Variants in NOTCH3 observed in about 807,000 individuals in gnomAD.
NOTCH3 encodes the protein neurogenic locus notch homolog protein 3.
In NOTCH3, 86 loss-of-function variants were observed where a neutral mutation model predicts 213.3. The observed-to-expected ratio is 0.40, with a 90% CI of 0.34 to 0.48. The LOEUF (loss-of-function observed/expected upper bound fraction) is 0.48, where lower values mean the gene tolerates loss of function less well. Ranked by LOEUF, NOTCH3 falls within the 20% of genes least tolerant of loss-of-function variation. The pLI, the probability that NOTCH3 is intolerant of heterozygous loss-of-function variation, is 0.57. For missense variants in NOTCH3, 2,783 were observed against 3,272.6 expected (o/e 0.85, Z 3.65); for synonymous variants, 1,354 against 1,355.9 (o/e 1.00, Z 0.03).
intron 24 of NOTCH3, among the ~76,000 whole-genome samples, chr19:15,176,424 A>G (rs981502169): frequency 1.5e-5 from 2 of 134,026 alleles, no homozygotes; most frequent in African/African-American, 2.9e-5. Flanking sequence ...CTGCCTCCCA[A>G]AGTACTGGGA....
chr19:15,187,598 T>G (rs577461197), intron 10 of NOTCH3, among the ~76,000 whole-genome samples: 83 of 151,852 alleles, frequency 5.5e-4, no homozygotes, highest in African/African-American at 1.9e-3. Flanking sequence ...GCCCTGTTTC[T>G]GCCCCACCCT....
rs775270847 is a variant in NOTCH3 at position 15,179,404 on chromosome 19, G to A, written c.3420C>T (p.Leu1140=). ...PCQHGGSCID[L]VARYLCSCPP... ...GACAGGAGCAGAGATAGCGGGCCAC[G>A]AGGTCAATGCATGAACCCCCGTGCT... Residue 1140 remains leucine, a synonymous_variant, in exon 21 of 33, where the codon CTC becomes CTT. Transcript: ENST00000263388. 3 of 1,614,102 alleles carry A rather than the reference G, an allele frequency of 1.9e-6. No individual in the cohort carries two copies. Among genetic ancestry groups the A allele is most frequent in the South Asian group, 2.2e-5 (2 of 91,092 alleles).
intron 16 of NOTCH3, 81 bp downstream of exon 16, chr19:15,184,214 C>T: frequency 1.5e-6 from 2 of 1,361,664 alleles, no homozygotes; most frequent in African/African-American, 1.4e-5. Context: ...GATGAAATGA[C>T]AGCACAGTGC....
Position 15,161,241 on chromosome 19 carries a change from A to G in NOTCH3, c.6387T>C (p.Ala2129=). The change falls in exon 33 of 33, where the codon GCT becomes GCC. Residue 2129 remains alanine (A), a synonymous_variant. Coordinates refer to ENST00000263388, the MANE Select transcript of NOTCH3 (RefSeq NM_000435.3). ...CCAGAGACACTGCAGTGGCAGTGGC[A>G]GCTGCATAGGGCCCCTCAAGGGGGA... ...GGFPLEGPYA[A]ATATAVSLAQ... The G allele has an allele frequency of 6.5e-7, 1 of 1,549,670 alleles. No homozygotes were observed. Among genetic ancestry groups the G allele is most frequent in the East Asian group, 2.3e-5 (1 of 42,946 alleles).
chr19:15,181,259 C>T (rs1599383029), intron 17 of NOTCH3, 97 bp from the exon 18 acceptor site: 1 of 1,110,106 alleles, frequency 9.0e-7, no homozygotes, highest in East Asian at 2.6e-5. Flanking sequence ...GGACGTCCCA[C>T]TCCCTGACCC....
At position 15,185,745 on chromosome 19, in the gene NOTCH3, G is replaced by T; in HGVS notation, c.1952-66C>A. On this transcript the variant is annotated intron_variant, in intron 12 of 32. Coordinates refer to ENST00000263388, the MANE Select transcript of NOTCH3 (RefSeq NM_000435.3). This position sits in a 1 kb window ranked among gnomAD's most constrained non-coding sequence, Gnocchi z 4.2. ...GCAGGGACAACCAGGGAGGGACGAC[G>T]TGACCCCACTTAGCACACCCACACC... 6.6e-7 allele frequency: 1 copy of T among 1,521,648 alleles called. No homozygotes were observed. The highest frequency in any genetic ancestry group is 9.0e-7 in the Non-Finnish European group (1 of 1,105,240). The allele number at this position is 1,521,648 out of a possible 1,614,324, so 94.3% of individuals were successfully genotyped here.
chr19:15,189,514 T>C (rs984530050), intron 6 of NOTCH3, 86 bp from the exon 7 acceptor site: 5 of 1,523,582 alleles, frequency 3.3e-6, no homozygotes, highest in African/African-American at 1.4e-5. Flanking sequence ...TTTGTCGTTG[T>C]TGTTGTTTTG....
At chr19:15,199,966 A>C (rs2046998578) in intron 1 of NOTCH3, among the ~76,000 whole-genome samples, 1 of 151,744 alleles carries the variant, frequency 6.6e-6, no homozygotes, top group Admixed American at 6.5e-5. Flanking sequence ...TCTGGCAAAG[A>C]AAGCGCGAGG....
chr19:15,167,177 C>A, intron 29 of NOTCH3, 72 bp downstream of exon 29: 2 of 1,528,952 alleles, frequency 1.3e-6, no homozygotes, highest in Non-Finnish European at 1.8e-6. Flanking sequence ...CCCCAAAACA[C>A]AGAGTCAGAA....
chr19:15,173,064 T>C (rs1312572341), intron 25 of NOTCH3, among the ~76,000 whole-genome samples: 44 of 4,032 alleles, frequency 0.011, 2 homozygotes, highest in African/African-American at 0.078. Context: ...CTCTTCTTCT[T>C]CTTCTTCTTC....
intron 15 of NOTCH3, 142 bp from the exon 16 acceptor site, chr19:15,184,592 C>T: frequency 1.3e-6 from 1 of 798,360 alleles, no homozygotes; most frequent in South Asian, 1.6e-5. Flanking sequence ...GGGCATTTTG[C>T]ATATGCAGTT....
At chr19:15,190,004 G>A (rs886355018) in intron 6 of NOTCH3, among the ~76,000 whole-genome samples, 1 of 152,132 alleles carries the variant, frequency 6.6e-6, no homozygotes, top group Non-Finnish European at 1.5e-5. Context: ...ACCGGGCACA[G>A]TGGCTCACGT....
intron 16 of NOTCH3, among the ~76,000 whole-genome samples, chr19:15,183,702 G>A (rs781107822): frequency 6.6e-6 from 1 of 152,014 alleles, no homozygotes; most frequent in Admixed American, 6.6e-5. Flanking sequence ...CCCGGCCTCT[G>A]GGGGGCCTTT....
At chr19:15,177,485 G>T in intron 24 of NOTCH3, 40 bp downstream of exon 24, 1 of 1,568,538 alleles carries the variant, frequency 6.4e-7, no homozygotes, top group Non-Finnish European at 8.7e-7. Context: ...GACTGGGATG[G>T]ATGCATAGAC....
Position 15,178,096 on chromosome 19 carries a change from G to A in NOTCH3, c.3838-6C>T. 6.6e-7 allele frequency: 1 copy of A among 1,518,404 alleles called. No individual in the cohort carries two copies. The highest frequency in any genetic ancestry group is 8.8e-7 in the Non-Finnish European group (1 of 1,137,812). The allele number at this position is 1,518,404 out of a possible 1,614,324, so 94.1% of individuals were successfully genotyped here. On this transcript the variant is annotated splice_region_variant and splice_polypyrimidine_tract_variant and intron_variant, in intron 23 of 32. Transcript: ENST00000263388. ...CAACGCGGACCCCAGAACGGCTGGG[G>A]GTCGGGTTTGGGGAGGGAGGGATAA...
Position 15,197,684 on chromosome 19 carries a change from ATGGGG to A in NOTCH3, c.119-111_119-107del, listed in dbSNP as rs2046979917. 1.2e-5 allele frequency: 9 copies of A among 765,438 alleles called. No homozygotes were observed. The South Asian group carries it at 1.3e-4, about 11-fold the overall frequency. The allele number at this position is 765,438 out of a possible 1,614,324, so 47.4% of individuals were successfully genotyped here. ...TCCACCAGGCAACAGCTGCATGGGG[ATGGGG>A]GCGTCTCTGCGGGTGCAGGGAGTCC... On this transcript the variant is annotated intron_variant, in intron 1 of 32. Transcript: ENST00000263388.
chr19:15,189,393 T>C lies in NOTCH3; in HGVS notation c.1072A>G (p.Asn358Asp). The change falls in exon 7 of 33, where the codon AAC (asparagine) becomes GAC (aspartate). Residue 358 changes from asparagine (N) to aspartate (D), a missense_variant. Transcript: ENST00000263388. ...LCHLDDACVS[N>D]PCHEDAICDT... Reference sequence around the variant, plus strand: ...CAGATAGCATCCTCGTGGCAGGGGTTGCTGACACAGGCGTCATCCAGGTGA... The same window carrying C: ...CAGATAGCATCCTCGTGGCAGGGGTCGCTGACACAGGCGTCATCCAGGTGA... The C allele has an allele frequency of 2.5e-6, 4 of 1,613,912 alleles. No homozygotes were observed. The highest frequency in any genetic ancestry group is 3.4e-6 in the Non-Finnish European group (4 of 1,180,042).
At chr19:15,184,145 A>G in intron 16 of NOTCH3, 150 bp downstream of exon 16, 1 of 798,930 alleles carries the variant, frequency 1.3e-6, no homozygotes, top group Non-Finnish European at 2.1e-6. Context: ...GAAGTCACTC[A>G]ACCTCCTCGG....
At chr19:15,176,656 G>T (rs2145412847) in intron 24 of NOTCH3, among the ~76,000 whole-genome samples, 1 of 150,490 alleles carries the variant, frequency 6.6e-6, no homozygotes, top group East Asian at 2.0e-4. Context: ...CCAGCTCCTA[G>T]GGAGGCTGAG....
Sources: gnomAD v4.1 joint callset for allele counts (sites outside exome capture counted in the v4.1 genomes callset) on GRCh38, gnomAD v4.1.1 for gene constraint, Gnocchi (gnomAD v3.1) non-coding constraint, MANE v1.5 for transcripts, NCBI Gene and HGNC (gene_info 2026-07-23, HGNC 2026-07-21) for gene names.